The following OPHN1 variants were observed in gnomAD, a reference collection of about 807,000 sequenced individuals.
The protein encoded by OPHN1 is oligophrenin-1.
In OPHN1, 11 loss-of-function variants were observed where a neutral mutation model predicts 60.7. The observed-to-expected ratio is 0.18, with a 90% CI of 0.11 to 0.30. The LOEUF is 0.30. Ranked by LOEUF, OPHN1 falls within the 10% of genes least tolerant of loss-of-function variation. OPHN1 has a pLI of 1.00. For missense variants in OPHN1, 449 were observed against 611.0 expected (o/e 0.73, Z 2.80); for synonymous variants, 226 against 222.6 (o/e 1.02, Z -0.14).
intron 2 of OPHN1, among the ~76,000 whole-genome samples, chrX:68,388,394 A>C (rs189336010): frequency 7.1e-4 from 75 of 105,251 alleles, no homozygotes; most frequent in African/African-American, 2.5e-3. Flanking sequence ...CAGGAGGCAG[A>C]GGTTGCAGTG....
intron 15 of OPHN1, among the ~76,000 whole-genome samples, chrX:68,181,626 A>G (rs1248003733): frequency 9.0e-6 from 1 of 110,681 alleles, no homozygotes; most frequent in Non-Finnish European, 1.9e-5. Context: ...GGACTTTGAG[A>G]CCAGCCCGGC....
rs189617146 is a variant in OPHN1 at position 68,247,432 on chromosome X, T to C, written c.385-12844A>G. ...GCTATAAATATAGTAACTAAGCTTG[T>C]AACAGGCATAGACTTAGTTCTGAGG... On this transcript the variant is annotated intron_variant, in intron 5 of 24. Transcript: ENST00000355520. Among the ~76,000 whole-genome samples, 4 of 111,749 alleles carry C rather than the reference T, an allele frequency of 3.6e-5. No homozygotes were observed. The Admixed American group carries it at 3.8e-4, about 11-fold the overall frequency.
At chrX:68,362,189 T>C (rs2078476456) in intron 2 of OPHN1, among the ~76,000 whole-genome samples, 1 of 112,378 alleles carries the variant, frequency 8.9e-6, no homozygotes, top group Non-Finnish European at 1.9e-5. Flanking sequence ...TTCTGTTGAT[T>C]GTGTTCTTGC....
At chrX:68,268,619 C>A (rs1328751249) in intron 5 of OPHN1, among the ~76,000 whole-genome samples, 1 of 111,426 alleles carries the variant, frequency 9.0e-6, no homozygotes, top group African/African-American at 3.3e-5. Flanking sequence ...CTATGACAAA[C>A]CCACAGACAA....
chrX:68,079,789 T>C lies in OPHN1; in HGVS notation c.1687-6490A>G, dbSNP rs769039907. ...TTAAACACTTTCGTCCCTTAAAATT[T>C]TTTATTATCTAAAACAATGCCAATG... On this transcript the variant is annotated intron_variant, in intron 19 of 24. Transcript: ENST00000355520. Among the ~76,000 whole-genome samples, 6 of 112,065 alleles carry C rather than the reference T, an allele frequency of 5.4e-5. No individual in the cohort carries two copies. The South Asian group carries it at 2.2e-3, about 42-fold the overall frequency.
chrX:68,183,306 A>G (rs955512233), intron 15 of OPHN1, among the ~76,000 whole-genome samples: 1 of 112,102 alleles, frequency 8.9e-6, no homozygotes, highest in Non-Finnish European at 1.9e-5. Context: ...AAGATACAAT[A>G]CTATGGAAGG....
At chrX:68,111,819 T>C (rs757061129) in intron 18 of OPHN1, 35 bp downstream of exon 18, 1 of 1,006,574 alleles carries the variant, frequency 9.9e-7, no homozygotes, top group South Asian at 1.9e-5. Context: ...AGTCCTCTAA[T>C]AGGAACTTTT....
chrX:68,223,660 T>C (rs2077674853), intron 6 of OPHN1, among the ~76,000 whole-genome samples: 1 of 111,313 alleles, frequency 9.0e-6, no homozygotes, highest in Non-Finnish European at 1.9e-5. Flanking sequence ...TTCATCCATG[T>C]AACCAAAAAA....
chrX:68,322,598 T>C (rs916271323), intron 2 of OPHN1, among the ~76,000 whole-genome samples: 8 of 110,747 alleles, frequency 7.2e-5, no homozygotes, highest in African/African-American at 2.6e-4. Context: ...ACTAGTCTGG[T>C]CAACATGATG....
At chrX:68,328,291 G>A (rs1411096802) in intron 2 of OPHN1, among the ~76,000 whole-genome samples, 3 of 107,801 alleles carry the variant, frequency 2.8e-5, no homozygotes, top group East Asian at 2.9e-4. Context: ...ACCACGCCCG[G>A]CTAATTTTTT....
chrX:68,318,655 A>C (rs955394987), intron 2 of OPHN1, among the ~76,000 whole-genome samples: 1 of 112,056 alleles, frequency 8.9e-6, no homozygotes, highest in East Asian at 2.8e-4. Flanking sequence ...CAACTAGTGA[A>C]TATTGATACA....
At chrX:68,081,493 G>A (rs1569206471) in intron 19 of OPHN1, among the ~76,000 whole-genome samples, 1 of 111,781 alleles carries the variant, frequency 8.9e-6, no homozygotes, top group Non-Finnish European at 1.9e-5. Context: ...GAGATAGTGT[G>A]GATTTGGTTC....
chrX:68,352,681 C>T (rs975572360), intron 2 of OPHN1, among the ~76,000 whole-genome samples: 2 of 111,895 alleles, frequency 1.8e-5, no homozygotes, highest in Non-Finnish European at 3.8e-5. Context: ...GCACAAAATC[C>T]TTCATAAAGT....
chrX:68,324,486 G>A (rs1310378169), intron 2 of OPHN1, among the ~76,000 whole-genome samples: 1 of 106,236 alleles, frequency 9.4e-6, no homozygotes, highest in Non-Finnish European at 1.9e-5. Context: ...GGTGCGCGCT[G>A]TAGTCCCAGC....
At chrX:68,079,994 C>T (rs1033404174) in intron 19 of OPHN1, among the ~76,000 whole-genome samples, 3 of 111,623 alleles carry the variant, frequency 2.7e-5, no homozygotes, top group Non-Finnish European at 5.7e-5. Context: ...TTATAATAGT[C>T]TCCTAATTGT....
At chrX:68,237,293 G>GTTTTGAAA (rs2077757846) in intron 5 of OPHN1, among the ~76,000 whole-genome samples, 1 of 112,497 alleles carries the variant, frequency 8.9e-6, no homozygotes, top group Non-Finnish European at 1.9e-5. Flanking sequence ...CCTGTAGTAA[G>GTTTTGAAA]TTTTGAAATT....
At chrX:68,208,075 TTTCA>T (rs1472733903) in intron 9 of OPHN1, among the ~76,000 whole-genome samples, 2 of 108,838 alleles carry the variant, frequency 1.8e-5, no homozygotes, top group African/African-American at 6.7e-5. Flanking sequence ...CTTTTCTTTC[TTTCA>T]TTCTTTCTTT....
chrX:68,185,836 G>GA (rs2077460131), intron 15 of OPHN1, among the ~76,000 whole-genome samples: 3 of 110,113 alleles, frequency 2.7e-5, no homozygotes, highest in Admixed American at 9.8e-5. Flanking sequence ...ATAAGACCTG[G>GA]AAAAAATTGA....
intron 4 of OPHN1, among the ~76,000 whole-genome samples, chrX:68,282,828 A>G (rs2078025027): frequency 8.9e-6 from 1 of 111,981 alleles, no homozygotes; most frequent in South Asian, 3.7e-4. Context: ...TTTCACTGAA[A>G]TGAACACAGA....
Sources: gnomAD v4.1 joint callset for allele counts (sites outside exome capture counted in the v4.1 genomes callset) on GRCh38, gnomAD v4.1.1 for gene constraint, MANE v1.5 for transcripts, NCBI Gene and HGNC (gene_info 2026-07-23, HGNC 2026-07-21) for gene names.